BNC2: variants seen among roughly 807,000 people sequenced by gnomAD.
The protein encoded by BNC2 is zinc finger protein basonuclin-2.
In BNC2, 20 loss-of-function variants were observed where a neutral mutation model predicts 76.3. The observed-to-expected ratio is 0.26, with a 90% confidence interval of 0.18 to 0.38. The LOEUF (loss-of-function observed/expected upper bound fraction) is 0.38. Ranked by LOEUF, BNC2 falls within the 10% of genes least tolerant of loss-of-function variation. The probability of loss-of-function intolerance (pLI) is 1.00; values close to 1 mark genes in which losing one functional copy is unlikely to be tolerated. For missense variants in BNC2, 1,382 were observed against 1,399.8 expected, an observed-to-expected ratio of 0.99 and a Z score of 0.20; for synonymous variants, 582 against 514.8, an observed-to-expected ratio of 1.13 and a Z score of -1.77.
At chr9:16,537,719 C>T (rs1374837331) in intron 5 of BNC2, among the ~76,000 whole-genome samples, 1 of 152,084 alleles carries the variant, frequency 6.6e-6, no homozygotes, top group Non-Finnish European at 1.5e-5. Context: ...GCATATTTGA[C>T]CTGTGGCATA....
At chr9:16,728,048 G>A (rs200531857) in intron 2 of BNC2, 51 bp from the exon 3 acceptor site, 35 of 1,501,108 alleles carry the variant, frequency 2.3e-5, no homozygotes, top group Non-Finnish European at 3.1e-5. Flanking sequence ...AGTAGCAGGA[G>A]TGTAGTGTAG....
At chr9:16,736,468 T>G (rs555550502) in intron 2 of BNC2, among the ~76,000 whole-genome samples, 2 of 151,062 alleles carry the variant, frequency 1.3e-5, no homozygotes, top group East Asian at 1.9e-4. Flanking sequence ...TGTTTATTAT[T>G]ATGATTATTT....
In BNC2 at chr9:16,418,293, T is replaced by C. The variant is rs981565900; in HGVS notation, c.*696A>G. 3 of 152,706 alleles carry C rather than the reference T, an allele frequency of 2.0e-5. No homozygotes were observed. The highest frequency in any genetic ancestry group is 7.2e-5 in the African/African-American group (3 of 41,456). The allele number at this position is 152,706 out of a possible 1,614,324, so 9.5% of individuals were successfully genotyped here. A position where few individuals can be genotyped will look rare whatever the true frequency, so the allele number is the denominator to read the frequency against. ...GTAGTAAAAACAAGACCATGTTTTT[T>C]TCTTTTTTTAAAAATGTGCATTAAT... On this transcript the variant is annotated 3_prime_UTR_variant, in exon 7 of 7. Transcript: ENST00000380672.
At chr9:16,580,247 C>A (rs1819596214) in intron 4 of BNC2, 2 of 398,054 alleles carry the variant, frequency 5.0e-6, no homozygotes, top group East Asian at 7.1e-5. Flanking sequence ...AGAGGCCAAC[C>A]CCTCACTGCT....
intron 2 of BNC2, among the ~76,000 whole-genome samples, chr9:16,730,848 C>A (rs1824484817): frequency 6.6e-6 from 1 of 152,292 alleles, no homozygotes; most frequent in South Asian, 2.1e-4. Flanking sequence ...AAAATCTTAA[C>A]TACTTTGTAA....
At chr9:16,585,602 T>A (rs1819745808) in intron 3 of BNC2, among the ~76,000 whole-genome samples, 1 of 152,184 alleles carries the variant, frequency 6.6e-6, no homozygotes, top group Admixed American at 6.5e-5. Flanking sequence ...AAAGGAAGTT[T>A]TATTCTAAAT....
intron 5 of BNC2, among the ~76,000 whole-genome samples, chr9:16,510,679 C>A (rs1237814842): frequency 6.6e-6 from 1 of 152,156 alleles, no homozygotes; most frequent in South Asian, 2.1e-4. Context: ...AACTATGGCA[C>A]ATGACAGGAT....
At chr9:16,665,441 A>AG (rs1822253152) in intron 3 of BNC2, among the ~76,000 whole-genome samples, 1 of 88,132 alleles carries the variant, frequency 1.1e-5, no homozygotes, top group Non-Finnish European at 2.3e-5. Context: ...AAGAAAAGAA[A>AG]GAAAGAAAGA....
intron 3 of BNC2, among the ~76,000 whole-genome samples, chr9:16,681,923 T>C (rs1368670191): frequency 1.3e-5 from 2 of 151,696 alleles, no homozygotes; most frequent in East Asian, 1.9e-4. Flanking sequence ...AAAGAGGGGG[T>C]TGGGGGACCG....
At position 16,617,912 on chromosome 9, in the gene BNC2, G is replaced by T. The variant is rs2133541156; in HGVS notation, c.331-34827C>A. 2.0e-5 allele frequency among the ~76,000 whole-genome samples: 3 copies of T among 152,306 alleles called. No individual in the cohort carries two copies. In the South Asian group the frequency reaches 6.2e-4, roughly 32 times the overall value. On this transcript the variant is annotated intron_variant, in intron 3 of 6. Coordinates refer to ENST00000380672, the MANE Select transcript of BNC2 (RefSeq NM_017637.6). Reference sequence around the variant, plus strand: ...GAGACAGTACAAGTGGTGGAAACAGGATTCAAACCTAAGCAGCCTGGCTCC... The same window carrying T: ...GAGACAGTACAAGTGGTGGAAACAGTATTCAAACCTAAGCAGCCTGGCTCC...
rs557226250 is a variant in BNC2, at chr9:16,856,543, G to T, written c.3+14103C>A. ...CCTGCCTCAGCCTCCCAAATAGTTG[G>T]GACTACAGGCATGCACCACTGCACC... On this transcript the variant is annotated intron_variant, in intron 1 of 6. Coordinates refer to ENST00000380672, the MANE Select transcript of BNC2 (RefSeq NM_017637.6). 5.9e-5 allele frequency among the ~76,000 whole-genome samples: 9 copies of T among 152,160 alleles called. No homozygotes were observed. In the South Asian group the frequency reaches 1.9e-3, roughly 32 times the overall value.
At chr9:16,589,299 C>A (rs1473446466) in intron 3 of BNC2, among the ~76,000 whole-genome samples, 1 of 152,010 alleles carries the variant, frequency 6.6e-6, no homozygotes, top group Non-Finnish European at 1.5e-5. Context: ...AATCCTCCCA[C>A]CTCAGCCTCC....
At chr9:16,671,255 C>A (rs1822469717) in intron 3 of BNC2, among the ~76,000 whole-genome samples, 1 of 152,094 alleles carries the variant, frequency 6.6e-6, no homozygotes, top group Non-Finnish European at 1.5e-5. Context: ...ATCACATCGG[C>A]TCCTCCTAAA....
chr9:16,568,559 T>C (rs1337518440), intron 4 of BNC2, among the ~76,000 whole-genome samples: 1 of 152,164 alleles, frequency 6.6e-6, no homozygotes, highest in African/African-American at 2.4e-5. Context: ...TTTGCGTATT[T>C]AGAATTTCAT....
chr9:16,618,479 T>C (rs1475094827), intron 3 of BNC2, among the ~76,000 whole-genome samples: 1 of 152,120 alleles, frequency 6.6e-6, no homozygotes, highest in African/African-American at 2.4e-5. Flanking sequence ...ACATCAAACA[T>C]CATGTTCAGA....
At chr9:16,765,599 C>T (rs960207349) in intron 1 of BNC2, among the ~76,000 whole-genome samples, 6 of 152,010 alleles carry the variant, frequency 3.9e-5, no homozygotes, top group African/African-American at 1.2e-4. Flanking sequence ...CCACCTGGTC[C>T]CCTCCAAAGC....
chr9:16,656,809 T>C (rs1821943846), intron 3 of BNC2, among the ~76,000 whole-genome samples: 1 of 152,160 alleles, frequency 6.6e-6, no homozygotes, highest in African/African-American at 2.4e-5. Flanking sequence ...TAACTAAATT[T>C]ATACCCATTC....
At chr9:16,800,029 A>G (rs1439212069) in intron 1 of BNC2, among the ~76,000 whole-genome samples, 2 of 152,110 alleles carry the variant, frequency 1.3e-5, no homozygotes, top group Non-Finnish European at 2.9e-5. Context: ...GTTCGAGACC[A>G]GCCTGGACAA....
chr9:16,707,530 C>CCT (rs1463379369), intron 3 of BNC2, among the ~76,000 whole-genome samples: 1 of 152,154 alleles, frequency 6.6e-6, no homozygotes, highest in African/African-American at 2.4e-5. Flanking sequence ...TACATGTAAC[C>CCT]CTCTCCATGG....
Sources: gnomAD v4.1 joint callset for allele counts (sites outside exome capture counted in the v4.1 genomes callset) on GRCh38, gnomAD v4.1.1 for gene constraint, MANE v1.5 for transcripts, NCBI Gene and HGNC (gene_info 2026-07-23, HGNC 2026-07-21) for gene names.